Variants in NELL1 observed in about 807,000 individuals in gnomAD.
NELL1 encodes the protein neural EGFL like 1, also known as protein kinase C-binding protein NELL1.
A neutral mutation model predicts 107.4 loss-of-function variants in NELL1; 76 were observed. The observed-to-expected ratio is 0.71, with a 90% CI of 0.59 to 0.86. The LOEUF (loss-of-function observed/expected upper bound fraction) is 0.86. Among genes scored for constraint, NELL1 ranks in the 40% least tolerant of loss-of-function variants. The pLI, the probability that NELL1 is intolerant of heterozygous loss-of-function variation, is 0.00. For synonymous variants in NELL1, 353 were observed against 341.2 expected, an observed-to-expected ratio of 1.03 and a Z score of -0.38; for missense variants, 1,024 against 1,005.5, an observed-to-expected ratio of 1.02 and a Z score of -0.25.
intron 15 of NELL1, among the ~76,000 whole-genome samples, chr11:21,429,425 G>A (rs2133831693): frequency 6.6e-6 from 1 of 152,252 alleles, no homozygotes; most frequent in African/African-American, 2.4e-5. Flanking sequence ...GGCAAAGTTT[G>A]ACTTTATTAA....
intron 15 of NELL1, among the ~76,000 whole-genome samples, chr11:21,395,452 T>A (rs1851960106): frequency 6.6e-6 from 1 of 151,574 alleles, no homozygotes; most frequent in Non-Finnish European, 1.5e-5. Flanking sequence ...CTTCTAACTT[T>A]TACATCTATA....
intron 13 of NELL1, among the ~76,000 whole-genome samples, chr11:21,121,152 T>G (rs1482886698): frequency 6.6e-6 from 1 of 152,118 alleles, no homozygotes; most frequent in African/African-American, 2.4e-5. Flanking sequence ...GCCACTGCTT[T>G]AGCATAGAGC....
chr11:21,209,452 C>T (rs1857456233), intron 13 of NELL1, among the ~76,000 whole-genome samples: 1 of 151,268 alleles, frequency 6.6e-6, no homozygotes. Flanking sequence ...AAATAACTAC[C>T]ATTTCTAACT....
intron 12 of NELL1, among the ~76,000 whole-genome samples, chr11:21,051,684 G>A (rs566799326): frequency 3.4e-4 from 51 of 152,018 alleles, no homozygotes; most frequent in Non-Finnish European, 5.9e-4. Context: ...GGAGTGGTGG[G>A]GGATAAGGAA....
intron 12 of NELL1, among the ~76,000 whole-genome samples, chr11:21,052,110 G>T (rs1853507482): frequency 6.6e-6 from 1 of 151,942 alleles, no homozygotes; most frequent in Admixed American, 6.6e-5. Context: ...CTGGAGAAGG[G>T]TGTTTCAGGC....
intron 13 of NELL1, among the ~76,000 whole-genome samples, chr11:21,213,795 A>G (rs976762282): frequency 3.5e-4 from 53 of 152,196 alleles, no homozygotes; most frequent in African/African-American, 1.2e-3. Flanking sequence ...AGGCAAAAAA[A>G]TTAATCCCAA....
At chr11:21,113,171 C>T (rs942557216) in intron 12 of NELL1, among the ~76,000 whole-genome samples, 10 of 151,960 alleles carry the variant, frequency 6.6e-5, no homozygotes, top group African/African-American at 2.4e-4. Flanking sequence ...CTTAGTAAGA[C>T]ATACAAGCAG....
chr11:21,294,337 C>A (rs937448018), intron 14 of NELL1, among the ~76,000 whole-genome samples: 1 of 152,022 alleles, frequency 6.6e-6, no homozygotes, highest in Non-Finnish European at 1.5e-5. Context: ...ATTTGAACTT[C>A]TTTATTTCAC....
chr11:20,691,461 A>C (rs1353195377), intron 2 of NELL1, among the ~76,000 whole-genome samples: 1 of 152,014 alleles, frequency 6.6e-6, no homozygotes, highest in East Asian at 1.9e-4. Flanking sequence ...ACGTCCCATC[A>C]ATACCTAATT....
intron 14 of NELL1, among the ~76,000 whole-genome samples, chr11:21,295,853 A>C (rs1392809116): frequency 2.0e-5 from 3 of 152,190 alleles, no homozygotes; most frequent in African/African-American, 7.2e-5. Context: ...TTGAAGTGGA[A>C]AAAAATGACT....
intron 15 of NELL1, among the ~76,000 whole-genome samples, chr11:21,457,505 A>G (rs1460570768): frequency 6.6e-6 from 1 of 152,164 alleles, no homozygotes; most frequent in Non-Finnish European, 1.5e-5. Context: ...TCTTTCTGAA[A>G]CACAGGCAGA....
intron 11 of NELL1, among the ~76,000 whole-genome samples, chr11:20,958,740 A>G (rs1230185039): frequency 2.0e-5 from 3 of 152,216 alleles, no homozygotes; most frequent in Non-Finnish European, 4.4e-5. Context: ...AGTAGCAGGG[A>G]ACAAGAAAGA....
chr11:21,124,400 G>A (rs1324877714), intron 13 of NELL1, among the ~76,000 whole-genome samples: 1 of 152,116 alleles, frequency 6.6e-6, no homozygotes, highest in Non-Finnish European at 1.5e-5. Context: ...CATGTTCCTG[G>A]AGAATCTGCA....
chr11:20,675,021 A>T (rs539332792), intron 1 of NELL1, among the ~76,000 whole-genome samples: 1 of 152,260 alleles, frequency 6.6e-6, no homozygotes, highest in Non-Finnish European at 1.5e-5. Context: ...TCTAGGCTGC[A>T]TTTGGCTGGG....
intron 13 of NELL1, among the ~76,000 whole-genome samples, chr11:21,176,222 A>G (rs1393636082): frequency 2.0e-5 from 3 of 151,898 alleles, no homozygotes; most frequent in Non-Finnish European, 4.4e-5. Flanking sequence ...GTCGCCATCA[A>G]CTTTCTGAAC....
chr11:20,695,591 A>G (rs1352903271), intron 2 of NELL1, among the ~76,000 whole-genome samples: 6 of 152,066 alleles, frequency 3.9e-5, no homozygotes, highest in Non-Finnish European at 8.8e-5. Flanking sequence ...GGTGAATGAC[A>G]TTTATTGATT....
chr11:20,692,025 G>A (rs1295288401), intron 2 of NELL1, among the ~76,000 whole-genome samples: 1 of 150,710 alleles, frequency 6.6e-6, no homozygotes, highest in Non-Finnish European at 1.5e-5. Flanking sequence ...GAGTGTATGT[G>A]TCGAGGAATT....
intron 14 of NELL1, among the ~76,000 whole-genome samples, chr11:21,280,367 A>G (rs1231727098): frequency 6.6e-6 from 1 of 152,194 alleles, no homozygotes; most frequent in Non-Finnish European, 1.5e-5. Context: ...ATAAGAACCA[A>G]AAATCAGGTG....
At chr11:21,316,614 C>T (rs1011760785) in intron 14 of NELL1, among the ~76,000 whole-genome samples, 10 of 152,138 alleles carry the variant, frequency 6.6e-5, no homozygotes, top group Non-Finnish European at 2.9e-5. Flanking sequence ...CTGTGGTGTC[C>T]AGAGTGCCCC....
Sources: gnomAD v4.1 joint callset for allele counts (sites outside exome capture counted in the v4.1 genomes callset) on GRCh38, gnomAD v4.1.1 for gene constraint, MANE v1.5 for transcripts, NCBI Gene and HGNC (gene_info 2026-07-23, HGNC 2026-07-21) for gene names.